MARCHF8: variants seen among roughly 807,000 people sequenced by gnomAD.
The protein encoded by MARCHF8 is membrane associated ring-CH-type finger 8, also known as E3 ubiquitin-protein ligase MARCHF8.
Under a neutral mutation model 51.6 loss-of-function variants are expected in MARCHF8, and 40 were observed. The observed-to-expected ratio is 0.77, with a 90% CI of 0.60 to 1.01. The LOEUF (loss-of-function observed/expected upper bound fraction) is 1.01. Among genes scored for constraint, MARCHF8 ranks in the 50% least tolerant of loss-of-function variants. MARCHF8 has a pLI of 0.00. For missense variants in MARCHF8, 685 were observed against 708.6 expected (o/e 0.97, Z 0.38); for synonymous variants, 263 against 280.3 (o/e 0.94, Z 0.62).
chr10:45,544,398 G>A (rs779790936), intron 1 of MARCHF8, among the ~76,000 whole-genome samples: 5 of 152,108 alleles, frequency 3.3e-5, no homozygotes, highest in South Asian at 2.1e-4. Context: ...GAAAACATAC[G>A]TCCACACAAA....
At chr10:45,509,861 T>G (rs555512303) in intron 2 of MARCHF8, among the ~76,000 whole-genome samples, 1 of 152,256 alleles carries the variant, frequency 6.6e-6, no homozygotes, top group African/African-American at 2.4e-5. Flanking sequence ...AGATCACTAG[T>G]AACAAGAGGC....
intron 1 of MARCHF8, among the ~76,000 whole-genome samples, chr10:45,567,037 G>C (rs2044372611): frequency 6.6e-6 from 1 of 152,246 alleles, no homozygotes; most frequent in South Asian, 2.1e-4. Flanking sequence ...TTGATGTTGA[G>C]CACCTTTTCA....
intron 1 of MARCHF8, among the ~76,000 whole-genome samples, chr10:45,580,833 C>T (rs900481651): frequency 1.3e-5 from 2 of 152,152 alleles, no homozygotes; most frequent in African/African-American, 2.4e-5. Context: ...TGTCAAAGAT[C>T]ATTTGCTTTA....
chr10:45,576,785 A>AC (rs1252104961), intron 1 of MARCHF8, among the ~76,000 whole-genome samples: 1 of 151,136 alleles, frequency 6.6e-6, no homozygotes, highest in African/African-American at 2.4e-5. Context: ...AAAAAAAAAA[A>AC]AAAAACTAGC....
At chr10:45,460,245 T>G (rs1013632789) in intron 6 of MARCHF8, among the ~76,000 whole-genome samples, 4 of 152,154 alleles carry the variant, frequency 2.6e-5, no homozygotes, top group Non-Finnish European at 5.9e-5. Flanking sequence ...GCACGTAGCT[T>G]GACACCCTGT....
chr10:45,506,220 A>C (rs2043380787), intron 2 of MARCHF8, among the ~76,000 whole-genome samples: 2 of 152,252 alleles, frequency 1.3e-5, no homozygotes, highest in South Asian at 4.1e-4. Flanking sequence ...CTGTATTAAG[A>C]AATCAAGTTC....
At chr10:45,497,922 C>T (rs574886054) in intron 2 of MARCHF8, among the ~76,000 whole-genome samples, 23 of 152,270 alleles carry the variant, frequency 1.5e-4, no homozygotes, top group Admixed American at 3.3e-4. Context: ...GACTTCTTGT[C>T]TCCAAAAATG....
intron 2 of MARCHF8, among the ~76,000 whole-genome samples, chr10:45,522,618 C>T (rs1275099453): frequency 1.3e-5 from 2 of 152,124 alleles, no homozygotes; most frequent in African/African-American, 4.8e-5. Flanking sequence ...AAAACCAAAG[C>T]CCTGAGGCAA....
chr10:45,547,452 A>G (rs2133327244), intron 1 of MARCHF8, among the ~76,000 whole-genome samples: 1 of 152,274 alleles, frequency 6.6e-6, no homozygotes, highest in East Asian at 1.9e-4. Flanking sequence ...GAAGGTGTCA[A>G]CAAAAAGTTT....
intron 1 of MARCHF8, among the ~76,000 whole-genome samples, chr10:45,565,774 T>C (rs1381792857): frequency 6.6e-6 from 1 of 152,164 alleles, no homozygotes; most frequent in Non-Finnish European, 1.5e-5. Flanking sequence ...TTACCAAATA[T>C]GGAACCACTG....
intron 4 of MARCHF8, 96 bp from the exon 5 acceptor site, chr10:45,464,092 CTT>C (rs565726059): frequency 2.2e-4 from 337 of 1,512,356 alleles, no homozygotes; most frequent in Non-Finnish European, 2.9e-4. Flanking sequence ...GCATGGGTAA[CTT>C]GGTGAGCAAA....
At chr10:45,491,542 T>A (rs1278604742) in intron 2 of MARCHF8, among the ~76,000 whole-genome samples, 1 of 152,158 alleles carries the variant, frequency 6.6e-6, no homozygotes, top group African/African-American at 2.4e-5. Context: ...AGACTCCGTA[T>A]CAACAACAAC....
upstream of MARCHF8, among the ~76,000 whole-genome samples, chr10:45,536,756 G>A (rs2043975803): frequency 6.6e-6 from 1 of 151,076 alleles, no homozygotes; most frequent in South Asian, 2.1e-4. Flanking sequence ...AGCATTTTCG[G>A]AGGCTGAGGT....
chr10:45,563,764 A>G (rs1462391954), intron 1 of MARCHF8, among the ~76,000 whole-genome samples: 1 of 152,240 alleles, frequency 6.6e-6, no homozygotes, highest in Non-Finnish European at 1.5e-5. Context: ...TATAAAACAT[A>G]AATTAATTTC....
chr10:45,525,231 C>T (rs901779780), intron 2 of MARCHF8, among the ~76,000 whole-genome samples: 2 of 152,164 alleles, frequency 1.3e-5, no homozygotes, highest in Non-Finnish European at 2.9e-5. Context: ...CATCCTGATG[C>T]TGCATGGTAA....
chr10:45,458,443 T>C lies in MARCHF8; in HGVS notation c.1518A>G (p.Gln506=). 1.9e-6 allele frequency: 3 copies of C among 1,614,190 alleles called. No individual in the cohort carries two copies. The highest frequency in any genetic ancestry group is 1.3e-5 in the African/African-American group (1 of 75,032). Residue 506 remains glutamine (Q), a synonymous_variant, in exon 8 of 8, where the codon CAA becomes CAG. Transcript: ENST00000453424. ...TATAGGCCTTGAGTCTCTTCCACAA[T>C]TGCACATACACTTTACACTGAACAT... is the stretch of plus-strand genomic sequence containing the variant. ...FMYVQCKVYV[Q]LWKRLKAYNR...
At chr10:45,583,134 T>C (rs138033030) in intron 1 of MARCHF8, among the ~76,000 whole-genome samples, 1 of 152,338 alleles carries the variant, frequency 6.6e-6, no homozygotes, top group Non-Finnish European at 1.5e-5. Context: ...TGCAAGACTT[T>C]ATGCTCGCTA....
intron 2 of MARCHF8, among the ~76,000 whole-genome samples, chr10:45,511,271 T>A (rs2043495944): frequency 6.6e-6 from 1 of 152,214 alleles, no homozygotes; most frequent in Admixed American, 6.5e-5. Context: ...TCTGCCATTT[T>A]AAAATAATGT....
chr10:45,548,304 A>G (rs1426044824), intron 1 of MARCHF8, among the ~76,000 whole-genome samples: 1 of 152,222 alleles, frequency 6.6e-6, no homozygotes, highest in African/African-American at 2.4e-5. Flanking sequence ...CCCCAGAAGT[A>G]GAGTAACAGA....
Sources: gnomAD v4.1 joint callset for allele counts (sites outside exome capture counted in the v4.1 genomes callset) on GRCh38, gnomAD v4.1.1 for gene constraint, MANE v1.5 for transcripts, NCBI Gene and HGNC (gene_info 2026-07-23, HGNC 2026-07-21) for gene names.